RIT2: variants seen among roughly 807,000 people sequenced by gnomAD.
The protein encoded by RIT2 is GTP-binding protein Rit2.
RIT2 carries 24 observed loss-of-function variants against 23.7 expected under a neutral mutation model. The ratio of observed to expected loss-of-function variants is 1.01; its 90% CI spans 0.73 to 1.43. The LOEUF is 1.43. RIT2 is among the 40% of genes most tolerant of loss of function. The pLI is 0.00. For synonymous variants in RIT2, 107 were observed against 91.1 expected, an observed-to-expected ratio of 1.17 and a Z score of -0.99; for missense variants, 236 against 266.9, an observed-to-expected ratio of 0.88 and a Z score of 0.81.
chr18:43,008,589 T>TA lies in RIT2; in HGVS notation c.160+25221dup, dbSNP rs546640713. Among the ~76,000 whole-genome samples the TA allele has an allele frequency of 1.0e-3, 147 of 147,510 alleles. 2 individuals carry two copies. The highest frequency in any genetic ancestry group is 2.8e-3 in the East Asian group (14 of 5,040). On this transcript the variant is annotated intron_variant, in intron 2 of 4. Coordinates refer to ENST00000326695, the MANE Select transcript of RIT2 (RefSeq NM_002930.4). ...ATCTTCAATAAACAGCAATAAAAAG[T>TA]AAAAAAAAAATAAAAGAGCTAAAGT...
intron 4 of RIT2, among the ~76,000 whole-genome samples, chr18:42,887,829 A>G (rs1329520123): frequency 3.3e-5 from 5 of 152,212 alleles, no homozygotes; most frequent in African/African-American, 1.2e-4. Context: ...TCAGCATCAA[A>G]AAGAAATGAG....
At chr18:42,879,003 T>G (rs1181247236) in intron 4 of RIT2, among the ~76,000 whole-genome samples, 1 of 152,156 alleles carries the variant, frequency 6.6e-6, no homozygotes, top group African/African-American at 2.4e-5. Flanking sequence ...TATGTTTCTA[T>G]GTACTTACCA....
At chr18:43,014,531 C>T (rs557658546) in intron 2 of RIT2, among the ~76,000 whole-genome samples, 40 of 151,710 alleles carry the variant, frequency 2.6e-4, no homozygotes, top group African/African-American at 9.4e-4. Context: ...TTAAAAAGAT[C>T]ACTCTGGAGA....
intron 1 of RIT2, among the ~76,000 whole-genome samples, chr18:43,088,511 G>T (rs182970492): frequency 1.3e-5 from 2 of 152,062 alleles, no homozygotes; most frequent in Admixed American, 1.3e-4. Flanking sequence ...GTGTAATTCA[G>T]GGCAAGAATA....
intron 4 of RIT2, among the ~76,000 whole-genome samples, chr18:42,912,378 G>A (rs1009925716): frequency 3.3e-5 from 5 of 151,862 alleles, no homozygotes; most frequent in Non-Finnish European, 5.9e-5. Context: ...AGGCAAAGAT[G>A]TCTTTCCTTA....
intron 4 of RIT2, among the ~76,000 whole-genome samples, chr18:42,884,406 A>G (rs997402770): frequency 1.3e-5 from 2 of 152,246 alleles, no homozygotes; most frequent in African/African-American, 4.8e-5. Context: ...GAATCTCCAC[A>G]CATAACCCTA....
chr18:42,748,937 A>C (rs903127822), intron 4 of RIT2, among the ~76,000 whole-genome samples: 1 of 152,014 alleles, frequency 6.6e-6, no homozygotes, highest in Admixed American at 6.6e-5. Flanking sequence ...TAAAGAAAAA[A>C]TTAATAGGCA....
intron 1 of RIT2, among the ~76,000 whole-genome samples, chr18:43,047,574 G>A (rs924936049): frequency 6.6e-6 from 1 of 151,678 alleles, no homozygotes; most frequent in South Asian, 2.1e-4. Flanking sequence ...AGTATTCTTA[G>A]GAAAACATAA....
intron 4 of RIT2, among the ~76,000 whole-genome samples, chr18:42,810,813 A>G (rs1432263435): frequency 6.6e-6 from 1 of 152,052 alleles, no homozygotes. Flanking sequence ...ACCTTCAGAT[A>G]CAAAATCTAA....
At chr18:42,745,696 T>C (rs1393083464) in intron 4 of RIT2, among the ~76,000 whole-genome samples, 1 of 152,146 alleles carries the variant, frequency 6.6e-6, no homozygotes, top group African/African-American at 2.4e-5. Context: ...TTGCCAGCAA[T>C]TGAGCAAAGT....
intron 1 of RIT2, among the ~76,000 whole-genome samples, chr18:43,095,840 A>T (rs1913539722): frequency 6.6e-6 from 1 of 151,982 alleles, no homozygotes; most frequent in African/African-American, 2.4e-5. Context: ...CAGAATATGG[A>T]TGTTAAAAAA....
At chr18:42,793,469 C>A (rs1914087667) in intron 4 of RIT2, among the ~76,000 whole-genome samples, 1 of 152,200 alleles carries the variant, frequency 6.6e-6, no homozygotes, top group Admixed American at 6.5e-5. Flanking sequence ...ATTCTGACTT[C>A]TCAGCCAGTC....
intron 1 of RIT2, among the ~76,000 whole-genome samples, chr18:43,048,004 G>A (rs1912289218): frequency 1.3e-5 from 2 of 152,062 alleles, no homozygotes; most frequent in Non-Finnish European, 2.9e-5. Context: ...TGCAGATGTG[G>A]GCTGACTCAG....
chr18:42,861,044 T>G (rs1907313782), intron 4 of RIT2, among the ~76,000 whole-genome samples: 1 of 152,240 alleles, frequency 6.6e-6, no homozygotes, highest in South Asian at 2.1e-4. Flanking sequence ...CTTCTTTACT[T>G]TGTTTATAAC....
intron 3 of RIT2, among the ~76,000 whole-genome samples, chr18:42,966,462 G>A (rs1173708526): frequency 2.6e-5 from 4 of 152,064 alleles, no homozygotes; most frequent in African/African-American, 9.7e-5. Context: ...GGCAAATTTA[G>A]TATTGAAATT....
chr18:42,994,352 C>T (rs978969890), intron 2 of RIT2, among the ~76,000 whole-genome samples: 9 of 152,274 alleles, frequency 5.9e-5, no homozygotes, highest in South Asian at 4.2e-4. Flanking sequence ...CCCTGCCGAT[C>T]GTGTCCGACT....
intron 4 of RIT2, among the ~76,000 whole-genome samples, chr18:42,821,020 C>T (rs1391706152): frequency 6.6e-6 from 1 of 152,076 alleles, no homozygotes; most frequent in Non-Finnish European, 1.5e-5. Flanking sequence ...TATGACACTC[C>T]TGCTGCCCCT....
chr18:42,880,180 A>G (rs2144077688), intron 4 of RIT2, among the ~76,000 whole-genome samples: 1 of 152,222 alleles, frequency 6.6e-6, no homozygotes, highest in East Asian at 1.9e-4. Flanking sequence ...TGGATCTCGT[A>G]TTATAGGTTC....
At chr18:42,888,530 A>C (rs200675023) in intron 4 of RIT2, among the ~76,000 whole-genome samples, 22 of 141,980 alleles carry the variant, frequency 1.5e-4, no homozygotes, top group African/African-American at 4.0e-4. Context: ...TTTTTTTTTT[A>C]TTTTTTTTCT....
Sources: gnomAD v4.1 joint callset for allele counts (sites outside exome capture counted in the v4.1 genomes callset) on GRCh38, gnomAD v4.1.1 for gene constraint, MANE v1.5 for transcripts, NCBI Gene and HGNC (gene_info 2026-07-23, HGNC 2026-07-21) for gene names.